The following CEMIP variants were observed in gnomAD, a reference collection of about 807,000 sequenced individuals.
The protein encoded by CEMIP is cell migration-inducing and hyaluronan-binding protein.
In CEMIP, 105 loss-of-function variants were observed where a neutral mutation model predicts 156.9. The observed-to-expected ratio is 0.67, with a 90% confidence interval of 0.57 to 0.79. The LOEUF (loss-of-function observed/expected upper bound fraction) is 0.79. Among genes scored for constraint, CEMIP ranks in the 30% least tolerant of loss-of-function variants. The pLI is 0.00. For synonymous variants in CEMIP, 676 were observed against 668.4 expected, an observed-to-expected ratio of 1.01 and a Z score of -0.17; for missense variants, 1,457 against 1,769.4, an observed-to-expected ratio of 0.82 and a Z score of 3.17.
At chr15:80,842,839 C>T (rs1330550776) in intron 1 of CEMIP, among the ~76,000 whole-genome samples, 1 of 152,034 alleles carries the variant, frequency 6.6e-6, no homozygotes, top group Non-Finnish European at 1.5e-5. Flanking sequence ...GAATAAGGGT[C>T]GTGGCAGCAG....
intron 1 of CEMIP, among the ~76,000 whole-genome samples, chr15:80,873,226 G>T (rs1405562821): frequency 6.6e-6 from 1 of 152,236 alleles, no homozygotes; most frequent in African/African-American, 2.4e-5. Context: ...CGAGGAAGGA[G>T]AAGAAAATGA....
intron 1 of CEMIP, among the ~76,000 whole-genome samples, chr15:80,829,638 T>C (rs1309013291): frequency 2.0e-5 from 3 of 152,232 alleles, no homozygotes; most frequent in Non-Finnish European, 4.4e-5. Flanking sequence ...TTTCAGCCAG[T>C]GCAACTGCTC....
intron 2 of CEMIP, 34 bp from the exon 3 acceptor site, chr15:80,873,830 G>T: frequency 1.3e-6 from 2 of 1,484,712 alleles, no homozygotes; most frequent in Non-Finnish European, 1.8e-6. Context: ...GCCTGCCAAG[G>T]CTGCATGTCT....
chr15:80,795,769 T>C (rs1896208077), intron 1 of CEMIP, among the ~76,000 whole-genome samples: 1 of 151,782 alleles, frequency 6.6e-6, no homozygotes, highest in Non-Finnish European at 1.5e-5. Flanking sequence ...CCCCCATCTA[T>C]AAGAAAAAGG....
rs546795812 is a variant in CEMIP, at chr15:80,800,226, C to A, written c.-176+20612C>A. On this transcript the variant is annotated intron_variant, in intron 1 of 29. Transcript: ENST00000394685. ...GAAGGGGTAGCTGAAATCACCTCAC[C>A]ATCCTCTGGGTTTCCAGAGCACCTC... Among the ~76,000 whole-genome samples, 3 of 152,132 alleles carry A rather than the reference C, an allele frequency of 2.0e-5. No individual in the cohort carries two copies. In the East Asian group the frequency reaches 5.8e-4, roughly 29 times the overall value.
At chr15:80,931,738 A>G (rs1900919143) in intron 21 of CEMIP, 121 bp from the exon 22 acceptor site, 4 of 907,384 alleles carry the variant, frequency 4.4e-6, no homozygotes, top group Non-Finnish European at 7.2e-6. Flanking sequence ...TTACCCAGGA[A>G]GTCTCTGCTA....
chr15:80,846,286 C>T lies in CEMIP; in HGVS notation c.-175-27252C>T, dbSNP rs572430833. ...ATGCATTGACTCATTCACTTATAGTCACTCAACCAACCAGAGCGCTCTTCC... is the reference window on the plus strand; with the variant it reads ...ATGCATTGACTCATTCACTTATAGTTACTCAACCAACCAGAGCGCTCTTCC... On this transcript the variant is annotated intron_variant, in intron 1 of 29. Coordinates refer to ENST00000394685, the MANE Select transcript of CEMIP (RefSeq NM_001293298.2). 2.6e-5 allele frequency among the ~76,000 whole-genome samples: 4 copies of T among 152,300 alleles called. No homozygotes were observed. The South Asian group carries it at 8.3e-4, about 32-fold the overall frequency.
At chr15:80,852,755 A>G (rs778971068) in intron 1 of CEMIP, among the ~76,000 whole-genome samples, 1 of 152,128 alleles carries the variant, frequency 6.6e-6, no homozygotes, top group Non-Finnish European at 1.5e-5. Context: ...GGTGGTGCTT[A>G]TCTCATTTTC....
chr15:80,943,940 C>G (rs909545904), intron 28 of CEMIP, among the ~76,000 whole-genome samples: 7 of 152,202 alleles, frequency 4.6e-5, no homozygotes, highest in African/African-American at 1.7e-4. Context: ...CCTTACAAGT[C>G]TCCCCACATC....
intron 12 of CEMIP, among the ~76,000 whole-genome samples, chr15:80,904,597 C>T (rs889939405): frequency 1.3e-5 from 2 of 152,006 alleles, no homozygotes; most frequent in Non-Finnish European, 1.5e-5. Flanking sequence ...AAAAGAGGGA[C>T]ACAGGAAGGT....
intron 1 of CEMIP, among the ~76,000 whole-genome samples, chr15:80,817,730 C>A (rs1896820502): frequency 6.6e-6 from 1 of 151,900 alleles, no homozygotes; most frequent in African/African-American, 2.4e-5. Context: ...TGAGCGAGAA[C>A]TGCAATTTAG....
At position 80,942,493 on chromosome 15, in the gene CEMIP, C is replaced by T. The variant is rs73507416; in HGVS notation, c.3699+156C>T. Among the ~76,000 whole-genome samples, 2,738 of 152,156 alleles carry T rather than the reference C, an allele frequency of 0.018. 82 individuals carry two copies. Among genetic ancestry groups the T allele is most frequent in the African/African-American group, 0.063 (2,607 of 41,492 alleles). ...TTGGGGCGGGGAACCTGTTCCATGC[C>T]TCTTCTCGCTCCTGGTGGCTGCCAG... On this transcript the variant is annotated intron_variant, in intron 27 of 29. Transcript: ENST00000394685.
Position 80,906,932 on chromosome 15 carries a change from G to A in CEMIP, c.1587+94G>A. 1 of 1,389,470 alleles carries A rather than the reference G, an allele frequency of 7.2e-7. No individual in the cohort carries two copies. Among genetic ancestry groups the A allele is most frequent in the Non-Finnish European group, 1.0e-6 (1 of 1,001,458 alleles). The allele number at this position is 1,389,470 out of a possible 1,614,324, so 86.1% of individuals were successfully genotyped here. ...GGCCTTCTTGGTAGGGATGAGGGTGGGGGAACAGGAGGTGGGATCAAGGGG... is the reference window on the plus strand; with the variant it reads ...GGCCTTCTTGGTAGGGATGAGGGTGAGGGAACAGGAGGTGGGATCAAGGGG... On this transcript the variant is annotated intron_variant, in intron 13 of 29. Transcript: ENST00000394685. This position sits in a 1 kb window ranked among gnomAD's most constrained non-coding sequence, Gnocchi z 4.3.
intron 14 of CEMIP, among the ~76,000 whole-genome samples, chr15:80,919,629 T>C (rs1297715360): frequency 1.3e-5 from 2 of 152,132 alleles, no homozygotes; most frequent in East Asian, 1.9e-4. Flanking sequence ...CTGGCCAACA[T>C]TGTGAAACCC....
At chr15:80,945,054 G>A (rs902957343) in intron 28 of CEMIP, among the ~76,000 whole-genome samples, 8 of 152,212 alleles carry the variant, frequency 5.3e-5, no homozygotes, top group Non-Finnish European at 1.2e-4. Context: ...GCCTAGCCTG[G>A]CCCATGCTTC....
chr15:80,879,388 A>G (rs971020071), intron 4 of CEMIP, among the ~76,000 whole-genome samples: 2 of 152,214 alleles, frequency 1.3e-5, no homozygotes. Context: ...TTTACATTGA[A>G]CTAGGTATTA....
intron 1 of CEMIP, among the ~76,000 whole-genome samples, chr15:80,805,387 T>A (rs1348603881): frequency 2.6e-5 from 4 of 152,146 alleles, no homozygotes; most frequent in African/African-American, 9.7e-5. Context: ...TCTTTTCAGG[T>A]TTAAATTGCC....
intron 1 of CEMIP, among the ~76,000 whole-genome samples, chr15:80,805,682 A>C (rs938265381): frequency 5.3e-5 from 8 of 152,366 alleles, no homozygotes; most frequent in Non-Finnish European, 8.8e-5. Context: ...GTTCTTACAC[A>C]TCTATAAATC....
intron 1 of CEMIP, among the ~76,000 whole-genome samples, chr15:80,832,118 C>G (rs1897169058): frequency 6.6e-6 from 1 of 152,134 alleles, no homozygotes; most frequent in South Asian, 2.1e-4. Flanking sequence ...CAGGAAGCAC[C>G]CTTCCAAGTC....
Sources: allele counts gnomAD v4.1 joint callset (sites outside exome capture counted in the v4.1 genomes callset), GRCh38; gene constraint gnomAD v4.1.1; non-coding constraint Gnocchi (gnomAD v3.1); transcripts MANE v1.5; gene names NCBI Gene and HGNC (gene_info 2026-07-23, HGNC 2026-07-21).